The following LYRM4 variants were observed in gnomAD, a reference collection of about 807,000 sequenced individuals.
LYRM4 encodes LYR motif containing 4.
A neutral mutation model predicts 11.7 loss-of-function variants in LYRM4; 9 were observed. That is an observed-to-expected ratio of 0.77 (90% CI 0.46 to 1.34). LYRM4 has a LOEUF of 1.34. Among genes scored for constraint, LYRM4 ranks in the 40% most tolerant of loss-of-function variants. The pLI is 0.00. For missense variants in LYRM4, 133 were observed against 112.5 expected (o/e 1.18, Z -0.82); for synonymous variants, 42 against 40.4 (o/e 1.04, Z -0.15).
chr6:5,074,621 T>C, the LYRM4 span, among the ~76,000 whole-genome samples: 1 of 149,692 alleles, frequency 6.7e-6, no homozygotes, highest in Admixed American at 6.6e-5. Flanking sequence ...TGCTTTTCTT[T>C]CTTTTTTTTT....
At chr6:5,224,420 T>A (rs1354507971) in intron 1 of LYRM4, among the ~76,000 whole-genome samples, 3 of 152,238 alleles carry the variant, frequency 2.0e-5, no homozygotes, top group African/African-American at 7.2e-5. Context: ...TACACCCTGC[T>A]GGTGTGAGCA....
the LYRM4 span, among the ~76,000 whole-genome samples, chr6:5,071,542 A>ATATGTGTG: frequency 2.7e-5 from 4 of 150,202 alleles, no homozygotes; most frequent in African/African-American, 9.8e-5. Context: ...TTATATATAT[A>ATATGTGTG]TGTGTGTGTG....
intron 1 of LYRM4, among the ~76,000 whole-genome samples, chr6:5,243,292 G>C (rs915219658): frequency 1.3e-5 from 2 of 152,236 alleles, no homozygotes; most frequent in Non-Finnish European, 1.5e-5. Context: ...AGCGTGCGGG[G>C]TTCTAACCTG....
At chr6:5,103,451 C>T (rs574662530), downstream of LYRM4, 2 of 152,318 alleles carry the variant, frequency 1.3e-5, no homozygotes, top group Admixed American at 1.3e-4. Context: ...GCCACTGGCA[C>T]AGGTTCACAG....
chr6:5,206,717 C>A (rs1761719670), intron 2 of LYRM4, among the ~76,000 whole-genome samples: 1 of 152,062 alleles, frequency 6.6e-6, no homozygotes, highest in African/African-American at 2.4e-5. Context: ...AAGAGAAGTG[C>A]TTCTTAGACT....
intron 2 of LYRM4, among the ~76,000 whole-genome samples, chr6:5,215,914 A>G (rs1160236631): frequency 6.6e-6 from 1 of 152,232 alleles, no homozygotes; most frequent in Non-Finnish European, 1.5e-5. Context: ...TTTTTTAGAG[A>G]GCAAGAAAAC....
intron 2 of LYRM4, among the ~76,000 whole-genome samples, chr6:5,191,865 G>A (rs1308895967): frequency 6.6e-6 from 1 of 152,178 alleles, no homozygotes; most frequent in Non-Finnish European, 1.5e-5. Flanking sequence ...TCCTGATGTG[G>A]TGCACTGAGA....
chr6:5,184,829 G>A (rs577369036), intron 2 of LYRM4, among the ~76,000 whole-genome samples: 7 of 152,282 alleles, frequency 4.6e-5, no homozygotes, highest in South Asian at 4.2e-4. Flanking sequence ...ATGAGCAGAC[G>A]GTCCTTGCAG....
At chr6:5,222,101 C>T (rs927263632) in intron 1 of LYRM4, among the ~76,000 whole-genome samples, 1 of 152,218 alleles carries the variant, frequency 6.6e-6, no homozygotes, top group African/African-American at 2.4e-5. Flanking sequence ...CAGAAAGTTT[C>T]TTTCTGATAA....
At chr6:5,197,556 T>C (rs1244559688) in intron 2 of LYRM4, among the ~76,000 whole-genome samples, 1 of 151,770 alleles carries the variant, frequency 6.6e-6, no homozygotes, top group Admixed American at 6.6e-5. Context: ...GTGCCTGTAA[T>C]CCCAGCTACT....
intron 1 of LYRM4, among the ~76,000 whole-genome samples, chr6:5,231,697 G>T (rs1408919061): frequency 6.6e-6 from 1 of 152,164 alleles, no homozygotes; most frequent in Non-Finnish European, 1.5e-5. Context: ...TCTTTTATCT[G>T]CTGGGATGCC....
At chr6:5,071,380 A>G in the LYRM4 span, among the ~76,000 whole-genome samples, 1 of 152,162 alleles carries the variant, frequency 6.6e-6, no homozygotes, top group South Asian at 2.1e-4. Flanking sequence ...ACTTTAACCC[A>G]AGGGCTGGCT....
chr6:5,138,423 T>C (rs890997691), intron 2 of LYRM4, among the ~76,000 whole-genome samples: 3 of 129,324 alleles, frequency 2.3e-5, no homozygotes, highest in African/African-American at 8.8e-5. Flanking sequence ...AGGTTGAGGC[T>C]GCGGAGAGCC....
At chr6:5,216,198 C>A (rs990290415) in intron 2 of LYRM4, among the ~76,000 whole-genome samples, 1 of 152,174 alleles carries the variant, frequency 6.6e-6, no homozygotes, top group South Asian at 2.1e-4. Flanking sequence ...TCAGGTTCAC[C>A]ACCCACAATG....
At chr6:5,181,078 T>A (rs1581449745) in intron 2 of LYRM4, among the ~76,000 whole-genome samples, 1 of 152,216 alleles carries the variant, frequency 6.6e-6, no homozygotes, top group African/African-American at 2.4e-5. Context: ...CCATTTAAGA[T>A]GAATTTTCAC....
chr6:5,084,087 T>G, the LYRM4 span, among the ~76,000 whole-genome samples: 113,665 of 152,102 alleles, frequency 0.75, 43,634 homozygotes, highest in East Asian at 0.91. Flanking sequence ...CTGGGCAGCA[T>G]AGCAAGACCC....
chr6:5,177,099 C>A (rs577492094), intron 2 of LYRM4, among the ~76,000 whole-genome samples: 2 of 152,144 alleles, frequency 1.3e-5, no homozygotes, highest in Admixed American at 6.5e-5. Context: ...TGGAAAAGTG[C>A]GAATACAGTT....
At chr6:5,197,635 C>T (rs888032086) in intron 2 of LYRM4, among the ~76,000 whole-genome samples, 1 of 152,110 alleles carries the variant, frequency 6.6e-6, no homozygotes, top group African/African-American at 2.4e-5. Flanking sequence ...GATCATGCCA[C>T]TGCACTCCAA....
chr6:5,221,969 G>C (rs540045045), intron 1 of LYRM4, among the ~76,000 whole-genome samples: 1 of 152,284 alleles, frequency 6.6e-6, no homozygotes, highest in African/African-American at 2.4e-5. Flanking sequence ...AACATCCTTG[G>C]GGTTATGGTG....
Sources: gnomAD v4.1 joint callset for allele counts (sites outside exome capture counted in the v4.1 genomes callset) on GRCh38, gnomAD v4.1.1 for gene constraint, MANE v1.5 for transcripts, NCBI Gene and HGNC (gene_info 2026-07-23, HGNC 2026-07-21) for gene names.